The following FSTL4 variants were observed in gnomAD, a reference collection of about 807,000 sequenced individuals.
FSTL4 encodes the protein follistatin like 4.
A neutral mutation model predicts 78.2 loss-of-function variants in FSTL4; 28 were observed. The ratio of observed to expected loss-of-function variants is 0.36; its 90% CI spans 0.27 to 0.49. The LOEUF is 0.49. Ranked by LOEUF, FSTL4 falls within the 20% of genes least tolerant of loss-of-function variation. The pLI is 0.98. For missense variants in FSTL4, 922 were observed against 1,084.9 expected (o/e 0.85, Z 2.11); for synonymous variants, 422 against 440.5 (o/e 0.96, Z 0.53).
At chr5:133,697,647 G>C in the FSTL4 span, among the ~76,000 whole-genome samples, 20 of 152,190 alleles carry the variant, frequency 1.3e-4, no homozygotes, top group Admixed American at 1.0e-3. Flanking sequence ...CTTCTGGTAT[G>C]ACAGAAAGCT....
chr5:133,254,239 G>A (rs1752330460), intron 6 of FSTL4, among the ~76,000 whole-genome samples: 1 of 152,224 alleles, frequency 6.6e-6, no homozygotes, highest in Admixed American at 6.5e-5. Context: ...TTCTCTACTT[G>A]GTTGCAAGAT....
chr5:133,723,206 G>A, the FSTL4 span, among the ~76,000 whole-genome samples: 1 of 152,162 alleles, frequency 6.6e-6, no homozygotes, highest in Non-Finnish European at 1.5e-5. Context: ...ACTAAGCAAG[G>A]GTCTTTGTTC....
chr5:133,744,992 C>T, the FSTL4 span, among the ~76,000 whole-genome samples: 1 of 152,238 alleles, frequency 6.6e-6, no homozygotes, highest in Non-Finnish European at 1.5e-5. Context: ...GAACTGCTAT[C>T]AGCCATGGGA....
chr5:133,567,744 T>C (rs1369370903), intron 2 of FSTL4, among the ~76,000 whole-genome samples: 1 of 152,214 alleles, frequency 6.6e-6, no homozygotes, highest in African/African-American at 2.4e-5. Flanking sequence ...TATGAACAAT[T>C]TGGATAGCCA....
chr5:133,322,241 CCCCACACCCA>C (rs1217678782), intron 4 of FSTL4, among the ~76,000 whole-genome samples: 19 of 119,608 alleles, frequency 1.6e-4, no homozygotes, highest in Admixed American at 3.9e-4. Flanking sequence ...ACACACACAC[CCCCACACCCA>C]CCCACACCCA....
At chr5:133,445,359 C>G (rs960688704) in intron 3 of FSTL4, among the ~76,000 whole-genome samples, 1 of 151,940 alleles carries the variant, frequency 6.6e-6, no homozygotes, top group Non-Finnish European at 1.5e-5. Flanking sequence ...CCTCAGATCA[C>G]TGCTGCGGGG....
the FSTL4 span, among the ~76,000 whole-genome samples, chr5:133,797,359 A>G: frequency 6.6e-6 from 1 of 152,238 alleles, no homozygotes; most frequent in Non-Finnish European, 1.5e-5. Flanking sequence ...GCAGAAAGGA[A>G]TGTTTTGAAT....
At chr5:133,682,910 A>G in the FSTL4 span, among the ~76,000 whole-genome samples, 2 of 152,108 alleles carry the variant, frequency 1.3e-5, no homozygotes, top group African/African-American at 4.8e-5. Context: ...TAGCAGAGTA[A>G]GGCTTGTGTA....
At chr5:133,810,201 C>G in the FSTL4 span, among the ~76,000 whole-genome samples, 1 of 152,206 alleles carries the variant, frequency 6.6e-6, no homozygotes, top group Admixed American at 6.5e-5. Flanking sequence ...ACTCCTGGAG[C>G]CACCACTAAC....
intron 4 of FSTL4, among the ~76,000 whole-genome samples, chr5:133,342,091 G>C (rs1329923146): frequency 1.3e-5 from 2 of 152,180 alleles, no homozygotes; most frequent in African/African-American, 2.4e-5. Flanking sequence ...CAGGGAATCA[G>C]GCAGACGAGT....
At chr5:133,238,759 C>T (rs190347042) in intron 7 of FSTL4, among the ~76,000 whole-genome samples, 151 of 152,348 alleles carry the variant, frequency 9.9e-4, no homozygotes, top group African/African-American at 3.2e-3. Flanking sequence ...CTGACCTTCC[C>T]GACCAACACT....
At chr5:133,750,662 C>T in the FSTL4 span, among the ~76,000 whole-genome samples, 1 of 152,166 alleles carries the variant, frequency 6.6e-6, no homozygotes, top group Admixed American at 6.5e-5. Context: ...AGGAGCCCAG[C>T]CACCTCCCTG....
chr5:133,397,083 G>C (rs994950337), intron 4 of FSTL4, among the ~76,000 whole-genome samples: 1 of 152,174 alleles, frequency 6.6e-6, no homozygotes, highest in Non-Finnish European at 1.5e-5. Flanking sequence ...ACGCTGGCTT[G>C]GTGAGTGATT....
chr5:133,680,421 C>A, the FSTL4 span, among the ~76,000 whole-genome samples: 1 of 152,252 alleles, frequency 6.6e-6, no homozygotes, highest in East Asian at 1.9e-4. Context: ...TGGGCCCTGC[C>A]CTTCCAGCCC....
the FSTL4 span, among the ~76,000 whole-genome samples, chr5:133,814,571 G>C: frequency 6.6e-6 from 1 of 152,198 alleles, no homozygotes; most frequent in South Asian, 2.1e-4. Flanking sequence ...GTTCTGGAGA[G>C]AAAAGGTTCA....
At chr5:133,696,178 C>T in the FSTL4 span, among the ~76,000 whole-genome samples, 2 of 152,382 alleles carry the variant, frequency 1.3e-5, no homozygotes, top group African/African-American at 2.4e-5. Context: ...CTGCCCGGCT[C>T]TGAAGCCTAC....
chr5:133,585,117 A>G (rs1056641355), intron 2 of FSTL4, among the ~76,000 whole-genome samples: 1 of 83,428 alleles, frequency 1.2e-5, no homozygotes, highest in African/African-American at 4.3e-5. Context: ...GCCCTAAAAG[A>G]GCTCCTGAAG....
chr5:133,486,261 G>A (rs537902197), intron 3 of FSTL4, among the ~76,000 whole-genome samples: 4 of 152,040 alleles, frequency 2.6e-5, no homozygotes, highest in East Asian at 3.9e-4. Context: ...GACAGGGTAC[G>A]AGGGGCGGGG....
At chr5:133,645,759 C>T in the FSTL4 span, among the ~76,000 whole-genome samples, 1 of 152,064 alleles carries the variant, frequency 6.6e-6, no homozygotes, top group East Asian at 1.9e-4. Context: ...GGAAGCAATG[C>T]GACCATGGGG....
Sources: gnomAD v4.1 joint callset for allele counts (sites outside exome capture counted in the v4.1 genomes callset) on GRCh38, gnomAD v4.1.1 for gene constraint, MANE v1.5 for transcripts, NCBI Gene and HGNC (gene_info 2026-07-23, HGNC 2026-07-21) for gene names.